The following ABI1 variants were observed in gnomAD, a reference collection of about 807,000 sequenced individuals.
ABI1 encodes the protein Abelson interactor 1.
A neutral mutation model predicts 54.6 loss-of-function variants in ABI1; 14 were observed. The observed-to-expected ratio is 0.26, with a 90% CI of 0.17 to 0.40. ABI1 has a LOEUF of 0.40. Among genes scored for constraint, ABI1 ranks in the 10% least tolerant of loss-of-function variants. The pLI is 1.00. For missense variants in ABI1, 443 were observed against 598.3 expected, an observed-to-expected ratio of 0.74 and a Z score of 2.71; for synonymous variants, 194 against 209.3, an observed-to-expected ratio of 0.93 and a Z score of 0.63.
chr10:26,804,202 G>A (rs907598776), intron 2 of ABI1, among the ~76,000 whole-genome samples: 1 of 151,944 alleles, frequency 6.6e-6, no homozygotes, highest in Admixed American at 6.6e-5. Context: ...GGCCAACATG[G>A]CAAAACCCTG....
Position 26,804,548 on chromosome 10 carries a change from T to C in ABI1, c.285+18590A>G, listed in dbSNP as rs1195566085. 2.6e-5 allele frequency among the ~76,000 whole-genome samples: 4 copies of C among 152,116 alleles called. No individual in the cohort carries two copies. The East Asian group carries it at 7.7e-4, about 29-fold the overall frequency. ...CTTAAGATGGGAAGACATACACATG[T>C]TAAATGTTTATTCGAAGTGGGAACA... is the stretch of plus-strand genomic sequence containing the variant. On this transcript the variant is annotated intron_variant, in intron 2 of 10. Coordinates refer to ENST00000376140, the MANE Select transcript of ABI1 (RefSeq NM_001012750.3).
chr10:26,761,850 AAT>A lies in ABI1; in HGVS notation c.821-2614_821-2613del, dbSNP rs148999274. Reference sequence around the variant, plus strand: ...ATTTTTGCTATTTTATTTGTATGTAAATATATCATAATTTATTTATCCATTCT... The same window carrying A: ...ATTTTTGCTATTTTATTTGTATGTAAATATCATAATTTATTTATCCATTCT... On this transcript the variant is annotated intron_variant, in intron 7 of 10. Transcript: ENST00000376140. Among the ~76,000 whole-genome samples the A allele has an allele frequency of 0.018, 2,679 of 151,504 alleles. 185 individuals are homozygous for A. The South Asian group carries it at 0.19, about 11-fold the overall frequency.
In ABI1 at chr10:26,860,292, C is replaced by G. The variant is rs554611589; in HGVS notation, c.117+455G>C. Among the ~76,000 whole-genome samples, 17 of 152,156 alleles carry G rather than the reference C, an allele frequency of 1.1e-4. No individual in the cohort carries two copies. The highest frequency in any genetic ancestry group is 4.1e-4 in the African/African-American group (17 of 41,436). On this transcript the variant is annotated intron_variant, in intron 1 of 10. Coordinates refer to ENST00000376140, the MANE Select transcript of ABI1 (RefSeq NM_001012750.3). This position sits in a 1 kb window ranked among gnomAD's most constrained non-coding sequence, Gnocchi z 4.1. ...CCTCTCCCTTCTGCGGCTTCAGCCT[C>G]GTCCCTGCCCTCTCCTCTCCCCTCT... is the stretch of plus-strand genomic sequence containing the variant.
At chr10:26,840,560 A>C (rs1196041313) in intron 1 of ABI1, among the ~76,000 whole-genome samples, 1 of 152,220 alleles carries the variant, frequency 6.6e-6, no homozygotes, top group African/African-American at 2.4e-5. Flanking sequence ...ATCAAAAATC[A>C]GGACCAGTAT....
intron 1 of ABI1, among the ~76,000 whole-genome samples, chr10:26,848,424 T>C (rs1338169845): frequency 2.0e-5 from 3 of 152,070 alleles, no homozygotes; most frequent in Non-Finnish European, 2.9e-5. Context: ...ATGAATCAAA[T>C]AAATTCATAT....
intron 1 of ABI1, among the ~76,000 whole-genome samples, chr10:26,829,570 T>C (rs1042816879): frequency 6.6e-6 from 1 of 152,132 alleles, no homozygotes; most frequent in Non-Finnish European, 1.5e-5. Flanking sequence ...TTGTACATCA[T>C]AAATATACAC....
At chr10:26,794,654 A>T (rs1413832412) in intron 2 of ABI1, among the ~76,000 whole-genome samples, 1 of 151,772 alleles carries the variant, frequency 6.6e-6, no homozygotes, top group African/African-American at 2.4e-5. Context: ...TAAGGATTAA[A>T]TGAAGCAATA....
intron 1 of ABI1, among the ~76,000 whole-genome samples, chr10:26,825,575 C>T (rs1251473293): frequency 6.6e-6 from 1 of 152,120 alleles, no homozygotes; most frequent in Non-Finnish European, 1.5e-5. Context: ...GCAGGAGAAT[C>T]GCTTGAGCCC....
intron 2 of ABI1, among the ~76,000 whole-genome samples, chr10:26,795,678 T>A (rs549885068): frequency 1.3e-5 from 2 of 151,154 alleles, no homozygotes; most frequent in African/African-American, 4.9e-5. Flanking sequence ...TACTTAGGAG[T>A]AAATTTAACC....
intron 2 of ABI1, among the ~76,000 whole-genome samples, chr10:26,786,197 T>C (rs1345031656): frequency 6.6e-6 from 1 of 152,050 alleles, no homozygotes; most frequent in African/African-American, 2.4e-5. Flanking sequence ...AAGAGCCCCA[T>C]TTTTGTAGAA....
In ABI1 at chr10:26,832,876, T is replaced by C. The variant is rs190348364; in HGVS notation, c.118-9571A>G. 2.5e-3 allele frequency among the ~76,000 whole-genome samples: 374 copies of C among 152,154 alleles called. 1 individual carries two copies. The highest frequency in any genetic ancestry group is 0.014 in the Middle Eastern group (4 of 294). ...CATTACTGACAAATAATCTATTAAG[T>C]ACAGAGTCATGGGGACTAGGGCATA... On this transcript the variant is annotated intron_variant, in intron 1 of 10. Transcript: ENST00000376140.
At chr10:26,764,183 T>C (rs1158233532) in intron 7 of ABI1, among the ~76,000 whole-genome samples, 2 of 152,184 alleles carry the variant, frequency 1.3e-5, no homozygotes, top group Admixed American at 1.3e-4. Context: ...TTCTCCTTTT[T>C]CAAAAATATG....
intron 1 of ABI1, among the ~76,000 whole-genome samples, chr10:26,841,427 G>A (rs1350361127): frequency 1.0e-5 from 1 of 95,612 alleles, no homozygotes. Flanking sequence ...GTTTGTTTTT[G>A]TGGCAAGGAC....
chr10:26,772,901 C>T (rs982465719), intron 3 of ABI1, among the ~76,000 whole-genome samples: 1 of 151,446 alleles, frequency 6.6e-6, no homozygotes, highest in Non-Finnish European at 1.5e-5. Flanking sequence ...GGCGAAACCC[C>T]TTCTCTTGAA....
At position 26,759,214 on chromosome 10, in the gene ABI1, G is replaced by A. The variant is rs752547003; in HGVS notation, c.845C>T (p.Ser282Phe). Residue 282 changes from serine to phenylalanine, a missense_variant, in exon 8 of 11, where the codon TCC (serine) becomes TTC (phenylalanine). Physicochemically the swap from Ser to Phe is radical, Grantham distance 155. Transcript: ENST00000376140. ...CTGCCTGGTCATTGTGCCATACTGG[G>A]AACCAGGAGCTGAGCCCGGGGCTGC... The part of the protein sequence containing the change: ...GPAAPGSAPG[S>F]QYGTMTRQIS... 13 of 1,613,962 alleles carry A rather than the reference G, an allele frequency of 8.1e-6. No homozygotes were observed. Among genetic ancestry groups the A allele is most frequent in the Non-Finnish European group, 1.1e-5 (13 of 1,179,944 alleles).
chr10:26,782,386 T>C (rs1435294480), intron 2 of ABI1, among the ~76,000 whole-genome samples: 1 of 150,622 alleles, frequency 6.6e-6, no homozygotes, highest in Non-Finnish European at 1.5e-5. Flanking sequence ...AAAACCCGAC[T>C]CAAAAATGGG....
At chr10:26,764,685 T>C (rs1180126490) in intron 7 of ABI1, among the ~76,000 whole-genome samples, 2 of 152,170 alleles carry the variant, frequency 1.3e-5, no homozygotes, top group African/African-American at 2.4e-5. Flanking sequence ...GGGAAAAAAA[T>C]AGATGGCTAC....
At chr10:26,756,597 A>C (rs1448227129) in intron 8 of ABI1, among the ~76,000 whole-genome samples, 1 of 152,190 alleles carries the variant, frequency 6.6e-6, no homozygotes, top group Non-Finnish European at 1.5e-5. Context: ...AATTGACAGG[A>C]AATTAATACC....
At chr10:26,812,040 TA>T (rs2047274250) in intron 2 of ABI1, among the ~76,000 whole-genome samples, 1 of 152,160 alleles carries the variant, frequency 6.6e-6, no homozygotes, top group Non-Finnish European at 1.5e-5. Flanking sequence ...CACATCATTC[TA>T]ATCTCTGCTC....
Sources: allele counts gnomAD v4.1 joint callset (sites outside exome capture counted in the v4.1 genomes callset), GRCh38; gene constraint gnomAD v4.1.1; non-coding constraint Gnocchi (gnomAD v3.1); transcripts MANE v1.5; gene names NCBI Gene and HGNC (gene_info 2026-07-23, HGNC 2026-07-21).